The following DIAPH2 variants were observed in gnomAD, a reference collection of about 807,000 sequenced individuals.
DIAPH2 encodes diaphanous related formin 2.
Under a neutral mutation model 92.7 loss-of-function variants are expected in DIAPH2, and 35 were observed. That is an observed-to-expected ratio of 0.38 (90% CI 0.29 to 0.50). The LOEUF (loss-of-function observed/expected upper bound fraction) is 0.50. DIAPH2 is among the 20% of genes least tolerant of loss of function. The pLI, the probability that DIAPH2 is intolerant of heterozygous loss-of-function variation, is 0.94. For synonymous variants in DIAPH2, 301 were observed against 280.4 expected (o/e 1.07, Z -0.73); for missense variants, 701 against 819.5 (o/e 0.86, Z 1.77).
intron 26 of DIAPH2, among the ~76,000 whole-genome samples, chrX:97,596,456 T>G (rs922239548): frequency 3.6e-5 from 4 of 111,832 alleles, no homozygotes; most frequent in African/African-American, 1.3e-4. Context: ...TGTCAACTAT[T>G]GACTTTTTGA....
chrX:96,699,231 A>G (rs1290026540), intron 1 of DIAPH2, among the ~76,000 whole-genome samples: 1 of 112,131 alleles, frequency 8.9e-6, no homozygotes, highest in African/African-American at 3.2e-5. Flanking sequence ...ATTTTTACAA[A>G]TTCATATTTT....
intron 25 of DIAPH2, among the ~76,000 whole-genome samples, chrX:97,405,099 A>G (rs2017208194): frequency 8.9e-6 from 1 of 111,933 alleles, no homozygotes; most frequent in Admixed American, 9.5e-5. Flanking sequence ...TGTATTCTCT[A>G]TCTCTAAGTA....
At chrX:97,273,397 T>C (rs761693451) in intron 23 of DIAPH2, among the ~76,000 whole-genome samples, 5 of 112,019 alleles carry the variant, frequency 4.5e-5, no homozygotes, top group Admixed American at 2.9e-4. Flanking sequence ...CTACATTTAC[T>C]GAATGCAAAC....
chrX:97,143,973 T>C (rs1448155858), intron 22 of DIAPH2, among the ~76,000 whole-genome samples: 1 of 111,893 alleles, frequency 8.9e-6, no homozygotes, highest in Non-Finnish European at 1.9e-5. Context: ...CGTAGATTGA[T>C]GCTTACCACA....
At chrX:97,205,910 C>T (rs1453560076) in intron 22 of DIAPH2, among the ~76,000 whole-genome samples, 1 of 111,315 alleles carries the variant, frequency 9.0e-6, no homozygotes, top group Non-Finnish European at 1.9e-5. Flanking sequence ...AACCCAAATG[C>T]CCATCAATGA....
chrX:96,844,161 A>G (rs760828481), intron 4 of DIAPH2, among the ~76,000 whole-genome samples: 3 of 112,649 alleles, frequency 2.7e-5, no homozygotes, highest in East Asian at 2.8e-4. Flanking sequence ...TGTAATTTCA[A>G]TATTTTCTCT....
At chrX:96,756,911 CTTT>C (rs1172916942) in intron 3 of DIAPH2, among the ~76,000 whole-genome samples, 4,096 of 57,652 alleles carry the variant, frequency 0.071, 41 homozygotes, top group East Asian at 0.15. Context: ...ATTTATATAT[CTTT>C]TTTTTTTTTT....
intron 26 of DIAPH2, among the ~76,000 whole-genome samples, chrX:97,519,840 C>T (rs1187857044): frequency 2.7e-5 from 3 of 111,044 alleles, no homozygotes; most frequent in African/African-American, 9.8e-5. Context: ...ATTCTCCTGC[C>T]TCAGCCTCCC....
rs2071409459 is a variant in DIAPH2, at chrX:97,578,025, CTTGTT to C, written c.3242-21225_3242-21221del. Among the ~76,000 whole-genome samples, 5 of 21,974 alleles carry C rather than the reference CTTGTT, an allele frequency of 2.3e-4. No homozygotes were observed. In the South Asian group the frequency reaches 0.067, roughly 293 times the overall value. 19.1% of individuals were successfully genotyped at this position (21,974 alleles called of 115,157 possible). The stretch of plus-strand genomic sequence containing the variant: ...CAAATTAGGATTGAACCAGATTAGT[CTTGTT>C]TTAAATCCACTGCAGCCTTTTGAGC... On this transcript the variant is annotated intron_variant, in intron 26 of 26. Coordinates refer to ENST00000324765, the MANE Select transcript of DIAPH2 (RefSeq NM_006729.5).
intron 26 of DIAPH2, among the ~76,000 whole-genome samples, chrX:97,545,534 ATATATATATAT>A (rs1339229126): frequency 5.2e-5 from 4 of 77,108 alleles, no homozygotes; most frequent in Non-Finnish European, 7.1e-5. Context: ...AAAAAAAAAA[ATATATATATAT>A]ATATATATAT....
intron 14 of DIAPH2, among the ~76,000 whole-genome samples, chrX:96,946,656 A>T (rs1032085975): frequency 8.9e-6 from 1 of 111,744 alleles, no homozygotes; most frequent in Non-Finnish European, 1.9e-5. Flanking sequence ...ATAGACCTTC[A>T]TATTTCTAAT....
intron 4 of DIAPH2, among the ~76,000 whole-genome samples, chrX:96,841,931 T>C (rs760504739): frequency 3.3e-4 from 37 of 111,427 alleles, no homozygotes; most frequent in African/African-American, 1.1e-3. Flanking sequence ...GGGGTTGTTC[T>C]CTTGTGGGCA....
intron 1 of DIAPH2, among the ~76,000 whole-genome samples, chrX:96,720,804 A>G (rs1343947116): frequency 8.9e-6 from 1 of 111,927 alleles, no homozygotes; most frequent in African/African-American, 3.2e-5. Flanking sequence ...ATAAATGGGT[A>G]TTTCTGAAGT....
At chrX:97,425,656 T>G (rs746215591) in intron 25 of DIAPH2, among the ~76,000 whole-genome samples, 12 of 108,673 alleles carry the variant, frequency 1.1e-4, no homozygotes, top group African/African-American at 4.0e-4. Context: ...TGGTGCACAC[T>G]TGTAATCCCA....
intron 4 of DIAPH2, among the ~76,000 whole-genome samples, chrX:96,815,926 C>T (rs182061650): frequency 9.9e-5 from 11 of 111,484 alleles, no homozygotes; most frequent in South Asian, 3.8e-4. Context: ...CCACCTTGGC[C>T]TCCAGTAGTG....
intron 25 of DIAPH2, among the ~76,000 whole-genome samples, chrX:97,411,820 T>C (rs2069877375): frequency 9.0e-6 from 1 of 111,726 alleles, no homozygotes. Flanking sequence ...TGTGACATAC[T>C]GGTAAAGGGA....
intron 24 of DIAPH2, among the ~76,000 whole-genome samples, chrX:97,358,484 G>A (rs913615334): frequency 1.5e-4 from 17 of 111,049 alleles, no homozygotes; most frequent in African/African-American, 5.6e-4. Context: ...AGGATTACCT[G>A]CAAAAGATTT....
chrX:97,277,073 A>G (rs2068457701), intron 23 of DIAPH2, among the ~76,000 whole-genome samples: 1 of 112,660 alleles, frequency 8.9e-6, no homozygotes, highest in African/African-American at 3.2e-5. Context: ...GCGGTGGCTC[A>G]CACCTGTAAT....
intron 26 of DIAPH2, among the ~76,000 whole-genome samples, chrX:97,459,836 G>T (rs2070443461): frequency 8.9e-6 from 1 of 111,754 alleles, no homozygotes; most frequent in South Asian, 3.7e-4. Context: ...AGCTCTCTGG[G>T]TTCAAATCCT....
Sources: gnomAD v4.1 joint callset for allele counts (sites outside exome capture counted in the v4.1 genomes callset) on GRCh38, gnomAD v4.1.1 for gene constraint, MANE v1.5 for transcripts, NCBI Gene and HGNC (gene_info 2026-07-23, HGNC 2026-07-21) for gene names.